PLXNA4: variants seen among roughly 807,000 people sequenced by gnomAD.
PLXNA4 encodes the protein plexin A4, also known as plexin-A4.
A neutral mutation model predicts 191.8 loss-of-function variants in PLXNA4; 44 were observed. That is an observed-to-expected ratio of 0.23 (90% CI 0.18 to 0.29). The LOEUF is 0.29. Among genes scored for constraint, PLXNA4 ranks in the 10% least tolerant of loss-of-function variants. The probability of loss-of-function intolerance (pLI) is 1.00; values close to 1 mark genes in which losing one functional copy is unlikely to be tolerated. For synonymous variants in PLXNA4, 1,082 were observed against 1,009.5 expected, an observed-to-expected ratio of 1.07 and a Z score of -1.36; for missense variants, 1,800 against 2,488.8, an observed-to-expected ratio of 0.72 and a Z score of 5.89.
At chr7:132,140,557 C>A (rs930482301) in intron 30 of PLXNA4, 42 bp downstream of exon 30, 3 of 1,602,936 alleles carry the variant, frequency 1.9e-6, no homozygotes, top group African/African-American at 2.7e-5. Flanking sequence ...GCTGCTGGCT[C>A]CAGCAAGGGG....
intron 25 of PLXNA4, among the ~76,000 whole-genome samples, chr7:132,149,122 A>G (rs1172884302): frequency 6.6e-6 from 1 of 152,180 alleles, no homozygotes; most frequent in Non-Finnish European, 1.5e-5. Context: ...GGTGTATCCT[A>G]CAGGGTGAAA....
intron 25 of PLXNA4, among the ~76,000 whole-genome samples, chr7:132,156,785 G>T (rs1269391551): frequency 6.6e-6 from 1 of 152,208 alleles, no homozygotes; most frequent in African/African-American, 2.4e-5. Flanking sequence ...CTCTCTCCCT[G>T]TGGGGGCTGT....
intron 21 of PLXNA4, among the ~76,000 whole-genome samples, chr7:132,169,989 C>T (rs1034085672): frequency 2.6e-5 from 4 of 151,912 alleles, no homozygotes; most frequent in Non-Finnish European, 5.9e-5. Flanking sequence ...GAGGTAACTT[C>T]GGAGTCACGT....
chr7:132,596,705 C>G (rs886802869), intron 2 of PLXNA4, among the ~76,000 whole-genome samples: 1 of 152,024 alleles, frequency 6.6e-6, no homozygotes, highest in Non-Finnish European at 1.5e-5. Context: ...TCCTAGAGCT[C>G]ATTTTAGGGG....
chr7:132,563,744 C>T (rs1329743300), intron 1 of PLXNA4, among the ~76,000 whole-genome samples: 6 of 72,264 alleles, frequency 8.3e-5, no homozygotes, highest in African/African-American at 1.6e-4. Flanking sequence ...CTCCTCCTCT[C>T]CCTCCTCCTT....
At chr7:132,134,906 C>T (rs1317779265) in intron 30 of PLXNA4, among the ~76,000 whole-genome samples, 7 of 152,186 alleles carry the variant, frequency 4.6e-5, no homozygotes, top group Non-Finnish European at 1.0e-4. Context: ...CTCTTCGAGG[C>T]CTGTGACCCG....
At position 132,148,665 on chromosome 7, in the gene PLXNA4, C is replaced by A; in HGVS notation, c.4661-19G>T. 1 of 1,613,952 alleles carries A rather than the reference C, an allele frequency of 6.2e-7. No homozygotes were observed. Among genetic ancestry groups the A allele is most frequent in the East Asian group, 2.2e-5 (1 of 44,874 alleles). On this transcript the variant is annotated intron_variant, in intron 25 of 31. Coordinates refer to ENST00000321063, the MANE Select transcript of PLXNA4 (RefSeq NM_020911.2). ...CGCCACTCTGCCAAAAGAGCGGTGG[C>A]GTTTCAGAGAGGCCCTATGACCCCT...
chr7:132,361,108 T>A (rs1199178260), intron 3 of PLXNA4, among the ~76,000 whole-genome samples: 1 of 152,146 alleles, frequency 6.6e-6, no homozygotes, highest in Non-Finnish European at 1.5e-5. Flanking sequence ...TAATGAGCGC[T>A]AGGGGGTGGG....
intron 1 of PLXNA4, among the ~76,000 whole-genome samples, chr7:132,514,210 C>T (rs1266956600): frequency 1.3e-5 from 2 of 151,896 alleles, no homozygotes; most frequent in Non-Finnish European, 2.9e-5. Context: ...CGCCACCATG[C>T]TTGGCTAATT....
At chr7:132,568,374 G>GGGGTTTAAATGGGATAATAGTGT (rs1801829293) in intron 1 of PLXNA4, among the ~76,000 whole-genome samples, 2 of 152,078 alleles carry the variant, frequency 1.3e-5, no homozygotes, top group Non-Finnish European at 2.9e-5. Flanking sequence ...GTTTCTATTT[G>GGGGTTTAAATGGGATAATAGTGT]GGGTTTAAAT....
intron 2 of PLXNA4, among the ~76,000 whole-genome samples, chr7:132,636,835 C>T (rs1450356839): frequency 6.6e-6 from 1 of 152,174 alleles, no homozygotes; most frequent in Non-Finnish European, 1.5e-5. Flanking sequence ...CTCCCTTGTG[C>T]AAACCCAAGC....
At chr7:132,223,499 C>G (rs1798211685) in intron 9 of PLXNA4, 28 bp downstream of exon 9, 2 of 1,575,342 alleles carry the variant, frequency 1.3e-6, no homozygotes, top group Non-Finnish European at 1.7e-6. Flanking sequence ...ACAAGAGACA[C>G]TCACCACTCT....
chr7:132,303,500 C>T (rs35242369), intron 3 of PLXNA4, among the ~76,000 whole-genome samples: 22,965 of 151,958 alleles, frequency 0.15, 2,094 homozygotes, highest in Admixed American at 0.28. Context: ...ACCTGGGAGG[C>T]GGAGGTTGCA....
chr7:132,488,785 C>T (rs1379904047), intron 3 of PLXNA4, among the ~76,000 whole-genome samples: 1 of 152,194 alleles, frequency 6.6e-6, no homozygotes, highest in Non-Finnish European at 1.5e-5. Flanking sequence ...GTTCCCATTG[C>T]ACCCGTGGTT....
intron 2 of PLXNA4, among the ~76,000 whole-genome samples, chr7:132,588,811 AAAAG>A (rs1010978204): frequency 2.5e-4 from 38 of 151,410 alleles, no homozygotes; most frequent in African/African-American, 7.8e-4. Flanking sequence ...GAAAGAAAGA[AAAAG>A]AAAGAAAGAG....
At position 132,549,499 on chromosome 7, in the gene PLXNA4, A is replaced by G. The variant is rs77853636; in HGVS notation, c.-87+26923T>C. Among the ~76,000 whole-genome samples the G allele has an allele frequency of 3.0e-4, 46 of 152,264 alleles. No homozygotes were observed. The East Asian group carries it at 4.8e-3, about 16-fold the overall frequency. On this transcript the variant is annotated intron_variant, in intron 1 of 31. Transcript: ENST00000321063. ...AACTTAAAAAAAATCCTGGGTCCCA[A>G]CCCTGGTGATGCTGACACATTTGGG...
rs1361477428 is a variant in PLXNA4 at position 132,354,291 on chromosome 7, C to CA, written c.1372-56070dup. ...CCACAAACATGTATCCCTGTGAACTCACGGTACTCACAATTTAGCCAGGAG... is the reference window on the plus strand; with the variant it reads ...CCACAAACATGTATCCCTGTGAACTCAACGGTACTCACAATTTAGCCAGGAG... On this transcript the variant is annotated intron_variant, in intron 3 of 31. Coordinates refer to ENST00000321063, the MANE Select transcript of PLXNA4 (RefSeq NM_020911.2). Among the ~76,000 whole-genome samples the CA allele has an allele frequency of 2.0e-5, 3 of 152,202 alleles. No individual in the cohort carries two copies. The South Asian group carries it at 6.2e-4, about 32-fold the overall frequency.
intron 4 of PLXNA4, among the ~76,000 whole-genome samples, chr7:132,246,448 TAC>T (rs1249504170): frequency 6.6e-6 from 1 of 152,210 alleles, no homozygotes; most frequent in Non-Finnish European, 1.5e-5. Flanking sequence ...AAATTTTCCT[TAC>T]CTCTCACCCA....
chr7:132,556,966 A>C (rs1278459193), intron 1 of PLXNA4, among the ~76,000 whole-genome samples: 1 of 152,242 alleles, frequency 6.6e-6, no homozygotes. Flanking sequence ...ATTGAATGTG[A>C]CAAACATAAA....
Sources: gnomAD v4.1 joint callset for allele counts (sites outside exome capture counted in the v4.1 genomes callset) on GRCh38, gnomAD v4.1.1 for gene constraint, MANE v1.5 for transcripts, NCBI Gene and HGNC (gene_info 2026-07-23, HGNC 2026-07-21) for gene names.